Variants in AGBL1 observed in about 807,000 individuals in gnomAD.
AGBL1 encodes the protein cytosolic carboxypeptidase 4.
AGBL1 carries 130 observed loss-of-function variants against 118.9 expected under a neutral mutation model. The ratio of observed to expected loss-of-function variants is 1.09; its 90% CI spans 0.95 to 1.26. The LOEUF (loss-of-function observed/expected upper bound fraction) is 1.26, where lower values mean the gene tolerates loss of function less well. AGBL1 is among the 50% of genes most tolerant of loss of function. AGBL1 has a pLI of 0.00. For missense variants in AGBL1, 1,584 were observed against 1,298.1 expected, an observed-to-expected ratio of 1.22 and a Z score of -3.38; for synonymous variants, 555 against 478.9, an observed-to-expected ratio of 1.16 and a Z score of -2.08.
rs191120158 is a variant in AGBL1 at position 86,179,081 on chromosome 15, A to G, written c.488+20055A>G. On this transcript the variant is annotated intron_variant, in intron 5 of 22. Coordinates refer to ENST00000614907, the MANE Select transcript of AGBL1 (RefSeq NM_001386094.1). ...CTGGCCAGCAGCAACAAGGCTGTAA[A>G]TCAATTAATTATTCAGCATTCCCTC... Among the ~76,000 whole-genome samples, 18 of 152,308 alleles carry G rather than the reference A, an allele frequency of 1.2e-4. No individual in the cohort carries two copies. In the East Asian group the frequency reaches 3.1e-3, roughly 26 times the overall value.
intron 23 of AGBL1, among the ~76,000 whole-genome samples, chr15:86,973,433 T>A (rs72757457): frequency 0.04 from 6,085 of 152,084 alleles, 154 homozygotes; most frequent in Middle Eastern, 0.068. Flanking sequence ...TTCAATTGAC[T>A]TCCTGTCATT....
At chr15:86,801,019 G>A (rs1445251763) in intron 22 of AGBL1, among the ~76,000 whole-genome samples, 2 of 152,036 alleles carry the variant, frequency 1.3e-5, no homozygotes, top group Non-Finnish European at 2.9e-5. Context: ...AGGTCGTTGA[G>A]TTTGAAATAG....
intron 22 of AGBL1, among the ~76,000 whole-genome samples, chr15:86,836,287 C>A (rs990283907): frequency 1.3e-5 from 2 of 152,064 alleles, no homozygotes; most frequent in Non-Finnish European, 2.9e-5. Context: ...GAAATCAAGG[C>A]GGGGAAGTAG....
intron 22 of AGBL1, among the ~76,000 whole-genome samples, chr15:86,830,990 G>T (rs1440287978): frequency 6.6e-6 from 1 of 152,128 alleles, no homozygotes; most frequent in Non-Finnish European, 1.5e-5. Context: ...GGCTGGGGAG[G>T]CCCCACAATT....
At chr15:86,527,815 G>A (rs546838936) in intron 19 of AGBL1, among the ~76,000 whole-genome samples, 6 of 152,248 alleles carry the variant, frequency 3.9e-5, no homozygotes, top group African/African-American at 9.6e-5. Context: ...CCCTGAGAGC[G>A]TTGAGCATTG....
At chr15:87,014,127 G>A (rs2141787576) in intron 24 of AGBL1, among the ~76,000 whole-genome samples, 1 of 152,268 alleles carries the variant, frequency 6.6e-6, no homozygotes, top group Admixed American at 6.5e-5. Context: ...GCTGACAGTT[G>A]TGATATGAAT....
Position 86,194,954 on chromosome 15 carries a change from C to T in AGBL1, c.489-29960C>T, listed in dbSNP as rs115159979. Among the ~76,000 whole-genome samples, 502 of 152,290 alleles carry T rather than the reference C, an allele frequency of 3.3e-3. 1 individual carries two copies. The highest frequency in any genetic ancestry group is 0.012 in the African/African-American group (493 of 41,574). ...ATACTGTCTGACAAGTTCTCTTCCA[C>T]CTGTAGACACTATTTTATGATGGGT... On this transcript the variant is annotated intron_variant, in intron 5 of 22. Transcript: ENST00000614907.
At chr15:87,013,129 A>C (rs959507191) in intron 24 of AGBL1, among the ~76,000 whole-genome samples, 2 of 152,194 alleles carry the variant, frequency 1.3e-5, no homozygotes, top group African/African-American at 4.8e-5. Context: ...ACTCCATGAT[A>C]TGTCTCTCAG....
rs1053887406 is a variant in AGBL1 at position 86,302,939 on chromosome 15, T to C, written c.2374+7531T>C. On this transcript the variant is annotated intron_variant, in intron 17 of 22. Transcript: ENST00000614907. ...TTAAAAAGTTTTTATTGAAGGCAAT[T>C]ATGAGCTAATAGGATGTTATTAAAA... Among the ~76,000 whole-genome samples, 6 of 152,210 alleles carry C rather than the reference T, an allele frequency of 3.9e-5. No individual in the cohort carries two copies. In the East Asian group the frequency reaches 7.7e-4, roughly 20 times the overall value.
At chr15:86,228,177 G>A (rs1219457165) in intron 6 of AGBL1, among the ~76,000 whole-genome samples, 6 of 152,198 alleles carry the variant, frequency 3.9e-5, no homozygotes, top group Non-Finnish European at 8.8e-5. Context: ...TATATGTCAT[G>A]TATAGTTAAG....
At chr15:86,919,102 A>G (rs1490582658), downstream of AGBL1, among the ~76,000 whole-genome samples, 1 of 152,228 alleles carries the variant, frequency 6.6e-6, no homozygotes, top group Non-Finnish European at 1.5e-5. Context: ...AATATCAGCT[A>G]GTTTCAAGTG....
At chr15:86,725,000 T>G (rs2086797692) in intron 22 of AGBL1, among the ~76,000 whole-genome samples, 1 of 152,124 alleles carries the variant, frequency 6.6e-6, no homozygotes, top group Non-Finnish European at 1.5e-5. Context: ...AATATTCCTT[T>G]ATAGCAATGC....
chr15:86,123,395 A>G (rs1318043231), intron 1 of AGBL1, among the ~76,000 whole-genome samples: 1 of 152,148 alleles, frequency 6.6e-6, no homozygotes, highest in African/African-American at 2.4e-5. Flanking sequence ...GCTTGCCACC[A>G]TGCCCAGCTA....
At chr15:86,545,409 T>A (rs550005509) in intron 19 of AGBL1, among the ~76,000 whole-genome samples, 1 of 152,278 alleles carries the variant, frequency 6.6e-6, no homozygotes, top group East Asian at 1.9e-4. Flanking sequence ...TAATTTTTTT[T>A]AACCTTCAAG....
At chr15:86,449,641 C>T (rs1481349431) in intron 18 of AGBL1, among the ~76,000 whole-genome samples, 1 of 152,204 alleles carries the variant, frequency 6.6e-6, no homozygotes, top group Non-Finnish European at 1.5e-5. Context: ...AGCATCCAGA[C>T]CACTGTCTGG....
intron 17 of AGBL1, among the ~76,000 whole-genome samples, chr15:86,298,336 C>T (rs887536847): frequency 9.0e-6 from 1 of 111,476 alleles, no homozygotes. Flanking sequence ...TATATGGTAA[C>T]TATATATATA....
chr15:86,683,394 C>T (rs974337805), intron 22 of AGBL1, among the ~76,000 whole-genome samples: 1 of 152,132 alleles, frequency 6.6e-6, no homozygotes, highest in Admixed American at 6.6e-5. Context: ...AAAAAGATTG[C>T]ACATGCCAAG....
chr15:86,800,391 C>G (rs2078633213), intron 22 of AGBL1, among the ~76,000 whole-genome samples: 1 of 151,970 alleles, frequency 6.6e-6, no homozygotes, highest in Non-Finnish European at 1.5e-5. Flanking sequence ...CATATCCTTG[C>G]AAATAGTACA....
At chr15:86,618,070 A>C (rs2142404246) in intron 21 of AGBL1, among the ~76,000 whole-genome samples, 1 of 151,896 alleles carries the variant, frequency 6.6e-6, no homozygotes, top group South Asian at 2.1e-4. Flanking sequence ...CATATCTTGG[A>C]AACTGAAGTC....
Sources: allele counts gnomAD v4.1 joint callset (sites outside exome capture counted in the v4.1 genomes callset), GRCh38; gene constraint gnomAD v4.1.1; transcripts MANE v1.5; gene names NCBI Gene and HGNC (gene_info 2026-07-23, HGNC 2026-07-21).